The following MYLIP variants were observed in gnomAD, a reference collection of about 807,000 sequenced individuals.
MYLIP encodes the protein myosin regulatory light chain interacting protein.
In MYLIP, 26 loss-of-function variants were observed where a neutral mutation model predicts 45.8. The observed-to-expected ratio is 0.57, with a 90% CI of 0.42 to 0.79. The LOEUF (loss-of-function observed/expected upper bound fraction) is 0.79. Among genes scored for constraint, MYLIP ranks in the 30% least tolerant of loss-of-function variants. MYLIP has a pLI of 0.00. For synonymous variants in MYLIP, 213 were observed against 218.1 expected (o/e 0.98, Z 0.21); for missense variants, 494 against 555.6 (o/e 0.89, Z 1.11).
Position 16,148,111 on chromosome 6 carries a change from TATTA to T in MYLIP, c.*1361_*1364del, listed in dbSNP as rs2113580631. Reference sequence around the variant, plus strand: ...TAAAACTCTACTTTTTTATGGCACATATTAGCATATAAGCCTTTATTCCAAGAGG... The same window carrying T: ...TAAAACTCTACTTTTTTATGGCACATGCATATAAGCCTTTATTCCAAGAGG... On this transcript the variant is annotated 3_prime_UTR_variant, in exon 7 of 7. Transcript: ENST00000356840. 1 of 152,758 alleles carries T rather than the reference TATTA, an allele frequency of 6.5e-6. No homozygotes were observed. Among genetic ancestry groups the T allele is most frequent in the Non-Finnish European group, 1.5e-5 (1 of 68,032 alleles). 9.5% of individuals were successfully genotyped at this position (152,758 alleles called of 1,614,324 possible).
Position 16,141,997 on chromosome 6 carries a change from A to G in MYLIP, c.464+187A>G, listed in dbSNP as rs141871032. 2.0e-4 allele frequency among the ~76,000 whole-genome samples: 31 copies of G among 152,330 alleles called. No individual in the cohort carries two copies. In the East Asian group the frequency reaches 5.0e-3, roughly 25 times the overall value. On this transcript the variant is annotated intron_variant, in intron 3 of 6. Transcript: ENST00000356840. Reference sequence around the variant, plus strand: ...TTATGTCAAATACTGTACCAGAGGAATAGAGGATTTGCATGTGATACAGAC... The same window carrying G: ...TTATGTCAAATACTGTACCAGAGGAGTAGAGGATTTGCATGTGATACAGAC...
At position 16,129,379 on chromosome 6, in the gene MYLIP, G is replaced by A. The variant is rs779948885; in HGVS notation, c.57G>A (p.Ala19=). 1 of 1,590,270 alleles carries A rather than the reference G, an allele frequency of 6.3e-7. No individual in the cohort carries two copies. The highest frequency in any genetic ancestry group is 2.3e-5 in the East Asian group (1 of 43,574). Residue 19 remains alanine, a synonymous_variant, in exon 1 of 7, where the codon GCG becomes GCA. Transcript: ENST00000356840. The surrounding 1 kb of genome is among the most constrained non-coding windows in gnomAD (Gnocchi z 5.1). ...TGCTGATGGAGGTGGAGGTGGAGGC[G>A]AAAGCCAACGGCGAGGACTGCCTCA... ...DAVLMEVEVE[A]KANGEDCLNQ...
chr6:16,130,087 C>T (rs1411081423), intron 1 of MYLIP, among the ~76,000 whole-genome samples: 1 of 152,220 alleles, frequency 6.6e-6, no homozygotes, highest in East Asian at 1.9e-4. Context: ...ACCCCTCTAG[C>T]TCTGAGATGT....
intron 2 of MYLIP, among the ~76,000 whole-genome samples, chr6:16,141,176 T>C (rs1007762774): frequency 1.2e-4 from 18 of 152,290 alleles, no homozygotes; most frequent in African/African-American, 3.8e-4. Flanking sequence ...TTTCATGTGA[T>C]TCTTAGGACA....
At chr6:16,134,496 TG>T (rs1759512824) in intron 2 of MYLIP, among the ~76,000 whole-genome samples, 1 of 152,236 alleles carries the variant, frequency 6.6e-6, no homozygotes. Context: ...TCCTAGACCA[TG>T]TGTTTATTGT....
the MYLIP span, among the ~76,000 whole-genome samples, chr6:16,155,561 G>A: frequency 2.0e-5 from 3 of 152,362 alleles, no homozygotes; most frequent in South Asian, 4.1e-4. Flanking sequence ...ACAGTGAAGC[G>A]GGAAATTTCC....
chr6:16,157,513 G>A, the MYLIP span, among the ~76,000 whole-genome samples: 2 of 152,198 alleles, frequency 1.3e-5, no homozygotes, highest in African/African-American at 4.8e-5. Context: ...CCAATGCCTA[G>A]AACATTGCCT....
intron 2 of MYLIP, among the ~76,000 whole-genome samples, chr6:16,141,313 A>G (rs1759666831): frequency 6.6e-6 from 1 of 152,222 alleles, no homozygotes; most frequent in Non-Finnish European, 1.5e-5. Flanking sequence ...TGATTAAAAT[A>G]ATTTCTTTTA....
chr6:16,135,340 C>A (rs1037608040), intron 2 of MYLIP, among the ~76,000 whole-genome samples: 2 of 152,176 alleles, frequency 1.3e-5, no homozygotes, highest in East Asian at 3.8e-4. Context: ...AGATTTTCTG[C>A]TTTCAATTAG....
Position 16,146,556 on chromosome 6 carries a change from T to A in MYLIP, c.1249-106T>A. 3 of 827,420 alleles carry A rather than the reference T, an allele frequency of 3.6e-6. 1 individual carries two copies. The highest frequency in any genetic ancestry group is 3.2e-5 in the South Asian group (2 of 62,650). The allele number at this position is 827,420 out of a possible 1,614,324, so 51.3% of individuals were successfully genotyped here. A position where few individuals can be genotyped will look rare whatever the true frequency, so the allele number is the denominator to read the frequency against. On this transcript the variant is annotated intron_variant, in intron 6 of 6. Transcript: ENST00000356840. ...AAGCTAGAAATCACTGTGATCACAATTGATTTAGAAAATTAAATGCACTAG... is the reference window on the plus strand; with the variant it reads ...AAGCTAGAAATCACTGTGATCACAAATGATTTAGAAAATTAAATGCACTAG...
At chr6:16,131,938 C>A (rs1759467325) in intron 2 of MYLIP, among the ~76,000 whole-genome samples, 1 of 152,162 alleles carries the variant, frequency 6.6e-6, no homozygotes, top group African/African-American at 2.4e-5. Context: ...CAAGTGATTG[C>A]ATGCTTAAGG....
downstream of MYLIP, among the ~76,000 whole-genome samples, chr6:16,149,203 A>C (rs546489939): frequency 6.6e-6 from 1 of 152,366 alleles, no homozygotes; most frequent in South Asian, 2.1e-4. Flanking sequence ...AGTCTTGGGC[A>C]TACCAGTATC....
chr6:16,135,804 A>G (rs951561849), intron 2 of MYLIP, among the ~76,000 whole-genome samples: 1 of 145,582 alleles, frequency 6.9e-6, no homozygotes, highest in Non-Finnish European at 1.5e-5. Flanking sequence ...TATATAGTGT[A>G]TATATACAGT....
chr6:16,151,399 G>A (rs893313512), downstream of MYLIP, among the ~76,000 whole-genome samples: 2 of 151,982 alleles, frequency 1.3e-5, no homozygotes, highest in East Asian at 3.9e-4. Context: ...GCATGCACAC[G>A]TCACCACGTT....
the MYLIP span, among the ~76,000 whole-genome samples, chr6:16,158,991 C>T: frequency 1.3e-5 from 2 of 152,200 alleles, no homozygotes. Context: ...ACCACTCCGT[C>T]AATGTTGACT....
downstream of MYLIP, chr6:16,148,274 G>A (rs770047681): frequency 6.6e-6 from 1 of 152,298 alleles, no homozygotes; most frequent in Non-Finnish European, 1.5e-5. Context: ...TGTCATTTAA[G>A]CCAGTTTTAT....
intron 5 of MYLIP, 46 bp downstream of exon 5, chr6:16,143,909 G>T: frequency 1.3e-6 from 2 of 1,573,226 alleles, no homozygotes; most frequent in Non-Finnish European, 1.7e-6. Flanking sequence ...CAGCTCTCAG[G>T]TTTTTAGGTG....
Position 16,143,153 on chromosome 6 carries a change from C to G in MYLIP, c.598C>G (p.Leu200Val), listed in dbSNP as rs764374067. The G allele has an allele frequency of 3.1e-6, 5 of 1,614,058 alleles. No homozygotes were observed. Among genetic ancestry groups the G allele is most frequent in the East Asian group, 2.2e-5 (1 of 44,896 alleles). Reference sequence around the variant, plus strand: ...TGTGCGGGATAGCGAAGGGCAGAAACTGCTCATTGGGGTTGGACCTGAAGG... The same window carrying G: ...TGTGCGGGATAGCGAAGGGCAGAAAGTGCTCATTGGGGTTGGACCTGAAGG... ...HSVRDSEGQK[L>V]LIGVGPEGIS... Residue 200 changes from leucine (L) to valine (V), a missense_variant, in exon 4 of 7, where the codon CTG becomes GTG. Physicochemically the swap from Leu to Val is conservative, Grantham distance 32. Transcript: ENST00000356840.
chr6:16,162,785 T>TTAAAAAAAAAAAAAAAAAAA, the MYLIP span, among the ~76,000 whole-genome samples: 4 of 69,610 alleles, frequency 5.7e-5, no homozygotes, highest in East Asian at 2.0e-3. Context: ...ACCTCAACTC[T>TTAAAAAAAAAAAAAAAAAAA]AAAAAAAAAA....
Sources: gnomAD v4.1 joint callset for allele counts (sites outside exome capture counted in the v4.1 genomes callset) on GRCh38, gnomAD v4.1.1 for gene constraint, Gnocchi (gnomAD v3.1) non-coding constraint, MANE v1.5 for transcripts, NCBI Gene and HGNC (gene_info 2026-07-23, HGNC 2026-07-21) for gene names.